SMC3: variants seen among roughly 807,000 people sequenced by gnomAD.
SMC3 encodes structural maintenance of chromosomes protein 3.
A neutral mutation model predicts 171.8 loss-of-function variants in SMC3; 20 were observed. The ratio of observed to expected loss-of-function variants is 0.12; its 90% confidence interval spans 0.08 to 0.17. SMC3 has a LOEUF of 0.17. Ranked by LOEUF, SMC3 falls within the 10% of genes least tolerant of loss-of-function variation. The pLI, the probability that SMC3 is intolerant of heterozygous loss-of-function variation, is 1.00. For synonymous variants in SMC3, 464 were observed against 451.1 expected, an observed-to-expected ratio of 1.03 and a Z score of -0.36; for missense variants, 543 against 1,420.4, an observed-to-expected ratio of 0.38 and a Z score of 9.93.
Position 110,583,568 on chromosome 10 carries a change from A to G in SMC3, c.969+20A>G. On this transcript the variant is annotated intron_variant, in intron 11 of 28. Transcript: ENST00000361804. ...CAAAGGGTAAGTTAAAATGCTAAAAATGAAAGATGTGAATGTTCAGGTGAG... is the reference window on the plus strand; with the variant it reads ...CAAAGGGTAAGTTAAAATGCTAAAAGTGAAAGATGTGAATGTTCAGGTGAG... 6.2e-7 allele frequency: 1 copy of G among 1,612,346 alleles called. No individual in the cohort carries two copies. Among genetic ancestry groups the G allele is most frequent in the Non-Finnish European group, 8.5e-7 (1 of 1,178,616 alleles).
intron 8 of SMC3, among the ~76,000 whole-genome samples, chr10:110,581,416 A>G (rs991765935): frequency 6.6e-6 from 1 of 151,960 alleles, no homozygotes; most frequent in Non-Finnish European, 1.5e-5. Context: ...ACAGGGTTTC[A>G]CCATGTTGTC....
chr10:110,589,846 C>T (rs1298061178), intron 14 of SMC3, 46 bp from the exon 15 acceptor site: 1 of 1,561,312 alleles, frequency 6.4e-7, no homozygotes, highest in Non-Finnish European at 8.8e-7. Context: ...TTAATGCATC[C>T]TCATATGTGT....
At chr10:110,575,476 AAAG>A in intron 4 of SMC3, 73 bp downstream of exon 4, 1 of 1,085,554 alleles carries the variant, frequency 9.2e-7, no homozygotes, top group Non-Finnish European at 1.4e-6. Flanking sequence ...GCTGGTTAAA[AAAG>A]CATTTGTTCA....
At chr10:110,596,063 C>T (rs1861295693) in intron 18 of SMC3, among the ~76,000 whole-genome samples, 1 of 150,942 alleles carries the variant, frequency 6.6e-6, no homozygotes, top group South Asian at 2.1e-4. Context: ...ATAGCAAGAC[C>T]TGGTCTCTAC....
At chr10:110,573,185 G>C (rs543633931) in intron 2 of SMC3, among the ~76,000 whole-genome samples, 4 of 152,112 alleles carry the variant, frequency 2.6e-5, no homozygotes, top group African/African-American at 7.2e-5. Flanking sequence ...ACCCTTTTAC[G>C]TATTGAATTG....
intron 19 of SMC3, among the ~76,000 whole-genome samples, 179 bp downstream of exon 19, chr10:110,596,729 G>A (rs1191677409): frequency 1.3e-5 from 2 of 152,080 alleles, no homozygotes; most frequent in African/African-American, 4.8e-5. Context: ...TTGCTTAAGT[G>A]TTAAGTAGCT....
At position 110,590,407 on chromosome 10, in the gene SMC3, T is replaced by TA. The variant is rs1389460321; in HGVS notation, c.1510-4dup. ...TTAATATTTTTCATTTCTGACAACTTACAGGCCATTTTAAATGGAATAGAC... is the reference window on the plus strand; with the variant it reads ...TTAATATTTTTCATTTCTGACAACTTAACAGGCCATTTTAAATGGAATAGAC... On this transcript the variant is annotated splice_polypyrimidine_tract_variant and splice_region_variant and intron_variant, in intron 15 of 28. Coordinates refer to ENST00000361804, the MANE Select transcript of SMC3 (RefSeq NM_005445.4). The TA allele has an allele frequency of 1.2e-6, 2 of 1,613,030 alleles. No homozygotes were observed. The highest frequency in any genetic ancestry group is 3.3e-5 in the Admixed American group (2 of 60,018).
chr10:110,569,902 TGAAAG>T (rs764304456), intron 2 of SMC3, among the ~76,000 whole-genome samples: 24 of 152,180 alleles, frequency 1.6e-4, no homozygotes, highest in Non-Finnish European at 3.2e-4. Flanking sequence ...ACAGGATAGA[TGAAAG>T]GAGTGCTTCT....
intron 7 of SMC3, 119 bp downstream of exon 7, chr10:110,578,825 C>A: frequency 2.7e-6 from 2 of 732,848 alleles, no homozygotes; most frequent in Non-Finnish European, 2.4e-6. Context: ...TATTCTTTTA[C>A]ATGGCCATAA....
intron 1 of SMC3, 92 bp downstream of exon 1, chr10:110,567,923 C>G (rs1022012890): frequency 1.4e-6 from 2 of 1,453,834 alleles, no homozygotes; most frequent in Non-Finnish European, 1.9e-6. Flanking sequence ...AGCCTCTCCC[C>G]TGTCTCCACA....
At chr10:110,590,075 T>C in intron 15 of SMC3, 84 bp downstream of exon 15, 1 of 1,171,284 alleles carries the variant, frequency 8.5e-7, no homozygotes. Flanking sequence ...TTTCAAGGTG[T>C]AGGTCATGGG....
chr10:110,573,505 C>G lies in SMC3; in HGVS notation c.92-202C>G, dbSNP rs576093398. On this transcript the variant is annotated intron_variant, in intron 2 of 28. Coordinates refer to ENST00000361804, the MANE Select transcript of SMC3 (RefSeq NM_005445.4). ...CTGTGAAATATCTTTAAAGAAAAAACTATTAGAAGTCTGTACAAAAATTGA... is the reference window on the plus strand; with the variant it reads ...CTGTGAAATATCTTTAAAGAAAAAAGTATTAGAAGTCTGTACAAAAATTGA... Among the ~76,000 whole-genome samples, 20 of 152,044 alleles carry G rather than the reference C, an allele frequency of 1.3e-4. No individual in the cohort carries two copies. In the South Asian group the frequency reaches 3.9e-3, roughly 30 times the overall value.
intron 12 of SMC3, 96 bp downstream of exon 12, chr10:110,584,058 A>G: frequency 6.5e-7 from 1 of 1,532,556 alleles, no homozygotes; most frequent in Non-Finnish European, 9.0e-7. Context: ...TGCTTTTTAC[A>G]CTTAATTCTT....
intron 18 of SMC3, among the ~76,000 whole-genome samples, chr10:110,594,545 A>G (rs1025222489): frequency 6.6e-6 from 1 of 152,136 alleles, no homozygotes; most frequent in African/African-American, 2.4e-5. Context: ...TCTCATTTTG[A>G]GGTTAATAAA....
chr10:110,593,256 T>C (rs1044485807), intron 18 of SMC3, 33 bp downstream of exon 18: 9 of 1,599,604 alleles, frequency 5.6e-6, no homozygotes, highest in African/African-American at 1.3e-5. Context: ...TTTAAACAGA[T>C]AAATTCTAAC....
chr10:110,582,370 T>C (rs949489581), intron 9 of SMC3, among the ~76,000 whole-genome samples, 192 bp from the exon 10 acceptor site: 6 of 149,522 alleles, frequency 4.0e-5, no homozygotes, highest in African/African-American at 1.5e-4. Context: ...AGTTGTAGTA[T>C]ATCCTAAACT....
At chr10:110,572,057 G>T (rs1027688135) in intron 2 of SMC3, among the ~76,000 whole-genome samples, 1 of 152,072 alleles carries the variant, frequency 6.6e-6, no homozygotes, top group Admixed American at 6.6e-5. Context: ...TTTAGAAATA[G>T]TTTCAAATTT....
chr10:110,590,313 T>C, intron 15 of SMC3, 99 bp from the exon 16 acceptor site: 2 of 1,005,282 alleles, frequency 2.0e-6, no homozygotes, highest in Non-Finnish European at 3.1e-6. Context: ...GTTTAATCAC[T>C]GGTATATTTT....
At chr10:110,588,830 T>G (rs181206565) in intron 13 of SMC3, among the ~76,000 whole-genome samples, 14 of 152,232 alleles carry the variant, frequency 9.2e-5, no homozygotes, top group Non-Finnish European at 1.8e-4. Context: ...GCCAAGATTT[T>G]TAACTCATTT....
Sources: allele counts gnomAD v4.1 joint callset (sites outside exome capture counted in the v4.1 genomes callset), GRCh38; gene constraint gnomAD v4.1.1; transcripts MANE v1.5; gene names NCBI Gene and HGNC (gene_info 2026-07-23, HGNC 2026-07-21).